The following NDUFA12 variants were observed in gnomAD, a reference collection of about 807,000 sequenced individuals.
NDUFA12 encodes NADH:ubiquinone oxidoreductase subunit A12.
Under a neutral mutation model 20.3 loss-of-function variants are expected in NDUFA12, and 17 were observed. That is an observed-to-expected ratio of 0.84 (90% CI 0.57 to 1.26). NDUFA12 has a LOEUF of 1.26. NDUFA12 is among the 50% of genes most tolerant of loss of function. The probability of loss-of-function intolerance (pLI) is 0.00; values close to 1 mark genes in which losing one functional copy is unlikely to be tolerated. For missense variants in NDUFA12, 191 were observed against 183.7 expected, an observed-to-expected ratio of 1.04 and a Z score of -0.23; for synonymous variants, 72 against 63.6, an observed-to-expected ratio of 1.13 and a Z score of -0.63.
At chr12:94,997,143 C>T (rs1321646702) in intron 2 of NDUFA12, among the ~76,000 whole-genome samples, 1 of 151,952 alleles carries the variant, frequency 6.6e-6, no homozygotes, top group African/African-American at 2.4e-5. Context: ...GAGTTCAAGA[C>T]CAGCCCAGGT....
chr12:94,986,085 C>CTAAATAAATAAATAAA (rs57582405), intron 3 of NDUFA12, among the ~76,000 whole-genome samples: 11 of 136,260 alleles, frequency 8.1e-5, no homozygotes, highest in African/African-American at 1.9e-4. Flanking sequence ...AACTCTGTCT[C>CTAAATAAATAAATAAA]TAAATAAATA....
At position 94,971,496 on chromosome 12, in the gene NDUFA12, A is replaced by C. The variant is rs1186182599; in HGVS notation, c.382T>G (p.Ser128Ala). 21 of 1,614,220 alleles carry C rather than the reference A, an allele frequency of 1.3e-5. No homozygotes were observed. The highest frequency in any genetic ancestry group is 1.6e-5 in the Non-Finnish European group (19 of 1,180,026). The change falls in exon 4 of 4, where the codon TCT (serine) becomes GCT (alanine). Residue 128 changes from serine to alanine, a missense_variant. By Grantham distance (99) the Ser-to-Ala change is moderately conservative. Transcript: ENST00000327772. ...TGTPEQYVPY[S>A]TTRKKIQEWI... is the part of the protein sequence containing the mutation. ...TCCTGAATCTTCTTTCTAGTGGTAG[A>C]ATAAGGTACATATTGTTCTGGGGTG... is the stretch of plus-strand genomic sequence containing the variant.
At position 95,000,277 on chromosome 12, in the gene NDUFA12, A is replaced by C. The variant is rs141624701; in HGVS notation, c.169+2462T>G. 4.5e-3 allele frequency among the ~76,000 whole-genome samples: 690 copies of C among 152,314 alleles called. 7 individuals are homozygous for C. The highest frequency in any genetic ancestry group is 0.044 in the Middle Eastern group (13 of 294). Reference sequence around the variant, plus strand: ...ACTTACAAGTGGGAACTAAGCTATGAGGATGCCAAGGTATAAGAATGATAT... The same window carrying C: ...ACTTACAAGTGGGAACTAAGCTATGCGGATGCCAAGGTATAAGAATGATAT... On this transcript the variant is annotated intron_variant, in intron 2 of 3. Transcript: ENST00000327772.
At chr12:94,982,343 G>A (rs1248995848) in intron 3 of NDUFA12, among the ~76,000 whole-genome samples, 1 of 148,380 alleles carries the variant, frequency 6.7e-6, no homozygotes, top group Non-Finnish European at 1.5e-5. Context: ...GTGTGATCTC[G>A]GCTCACTGCA....
At chr12:94,983,286 C>T (rs1410293357) in intron 3 of NDUFA12, among the ~76,000 whole-genome samples, 1 of 152,122 alleles carries the variant, frequency 6.6e-6, no homozygotes, top group African/African-American at 2.4e-5. Flanking sequence ...TGTATAATAC[C>T]CTCATTTTAA....
At chr12:94,977,984 G>A (rs1874111893) in intron 3 of NDUFA12, among the ~76,000 whole-genome samples, 1 of 152,048 alleles carries the variant, frequency 6.6e-6, no homozygotes, top group Non-Finnish European at 1.5e-5. Flanking sequence ...TGCCAAATCT[G>A]GGGAAACAGC....
At chr12:94,973,600 G>A (rs369428594) in intron 3 of NDUFA12, among the ~76,000 whole-genome samples, 10 of 152,248 alleles carry the variant, frequency 6.6e-5, no homozygotes, top group East Asian at 5.8e-4. Context: ...GACTCCGGAA[G>A]GTTAAAATGA....
intron 3 of NDUFA12, among the ~76,000 whole-genome samples, chr12:94,989,497 G>A (rs995564566): frequency 6.6e-6 from 1 of 152,150 alleles, no homozygotes; most frequent in Non-Finnish European, 1.5e-5. Context: ...AGTGTGTCAC[G>A]GTCAACAAAG....
intron 3 of NDUFA12, among the ~76,000 whole-genome samples, chr12:94,974,894 T>C (rs1565812612): frequency 6.6e-6 from 1 of 151,976 alleles, no homozygotes; most frequent in African/African-American, 2.4e-5. Context: ...GTGGGGATGG[T>C]TAATGGGTAT....
intron 3 of NDUFA12, among the ~76,000 whole-genome samples, chr12:94,979,594 G>A (rs1400830759): frequency 6.6e-6 from 1 of 152,086 alleles, no homozygotes; most frequent in Non-Finnish European, 1.5e-5. Context: ...ACTTTGGAAG[G>A]CTGAGGCAGG....
chr12:94,992,102 T>C lies in NDUFA12; in HGVS notation c.257+2068A>G, dbSNP rs186602511. Among the ~76,000 whole-genome samples, 295 of 152,320 alleles carry C rather than the reference T, an allele frequency of 1.9e-3. 7 individuals carry two copies. Among genetic ancestry groups the C allele is most frequent in the Admixed American group, 0.018 (275 of 15,302 alleles). ...CACCAGATATACTTATTTCTAGTTTTTGGGTGAAATTTTCTAGACCACTGG... is the reference window on the plus strand; with the variant it reads ...CACCAGATATACTTATTTCTAGTTTCTGGGTGAAATTTTCTAGACCACTGG... On this transcript the variant is annotated intron_variant, in intron 3 of 3. Coordinates refer to ENST00000327772, the MANE Select transcript of NDUFA12 (RefSeq NM_018838.5).
chr12:94,990,814 G>A lies in NDUFA12; in HGVS notation c.257+3356C>T, dbSNP rs1368525817. On this transcript the variant is annotated intron_variant, in intron 3 of 3. Coordinates refer to ENST00000327772, the MANE Select transcript of NDUFA12 (RefSeq NM_018838.5). The stretch of plus-strand genomic sequence containing the variant: ...CAGTCAGTGCTCACAATTAGTCCAA[G>A]TAGTAGAACAGGGGTTGAAATCTGG... Among the ~76,000 whole-genome samples the A allele has an allele frequency of 3.3e-5, 5 of 152,120 alleles. No individual in the cohort carries two copies. In the East Asian group the frequency reaches 9.6e-4, roughly 29 times the overall value.
At chr12:95,000,127 A>G (rs983483573) in intron 2 of NDUFA12, among the ~76,000 whole-genome samples, 1 of 152,250 alleles carries the variant, frequency 6.6e-6, no homozygotes, top group African/African-American at 2.4e-5. Context: ...TATATACACC[A>G]TGGAATACTA....
chr12:94,995,434 C>T (rs1446912495), intron 2 of NDUFA12, among the ~76,000 whole-genome samples: 1 of 151,972 alleles, frequency 6.6e-6, no homozygotes, highest in Non-Finnish European at 1.5e-5. Context: ...GGAAGTGGGC[C>T]CTAACAATCT....
At chr12:95,002,067 GT>G (rs772625007) in intron 2 of NDUFA12, among the ~76,000 whole-genome samples, 1 of 151,794 alleles carries the variant, frequency 6.6e-6, no homozygotes, top group Non-Finnish European at 1.5e-5. Flanking sequence ...TTTTACAAAT[GT>G]TACCAAATTA....
intron 3 of NDUFA12, among the ~76,000 whole-genome samples, chr12:94,979,249 A>G (rs1874157844): frequency 6.6e-6 from 1 of 151,834 alleles, no homozygotes; most frequent in African/African-American, 2.4e-5. Flanking sequence ...TAAAACAAAC[A>G]CCCCCAAAAC....
At chr12:94,988,239 A>C (rs895759196) in intron 3 of NDUFA12, among the ~76,000 whole-genome samples, 3 of 152,184 alleles carry the variant, frequency 2.0e-5, no homozygotes, top group Non-Finnish European at 2.9e-5. Flanking sequence ...TAAGAGGATA[A>C]GGGTAAAATT....
intron 3 of NDUFA12, among the ~76,000 whole-genome samples, chr12:94,983,375 A>G (rs988791851): frequency 1.3e-5 from 2 of 152,188 alleles, no homozygotes; most frequent in African/African-American, 4.8e-5. Context: ...TGAGGTTTAA[A>G]AAGACTGTTC....
intron 3 of NDUFA12, among the ~76,000 whole-genome samples, chr12:94,985,006 A>AC (rs780832843): frequency 0.41 from 60,034 of 148,002 alleles, 13,167 homozygotes; most frequent in East Asian, 0.58. Flanking sequence ...ACATAACATA[A>AC]AATAAGATAA....
Sources: gnomAD v4.1 joint callset for allele counts (sites outside exome capture counted in the v4.1 genomes callset) on GRCh38, gnomAD v4.1.1 for gene constraint, MANE v1.5 for transcripts, NCBI Gene and HGNC (gene_info 2026-07-23, HGNC 2026-07-21) for gene names.